Variants in CAMK2G observed in about 807,000 individuals in gnomAD.
The protein encoded by CAMK2G is calcium/calmodulin dependent protein kinase II gamma.
CAMK2G carries 23 observed loss-of-function variants against 88.7 expected under a neutral mutation model. The ratio of observed to expected loss-of-function variants is 0.26; its 90% CI spans 0.19 to 0.37. The LOEUF is 0.37. Ranked by LOEUF, CAMK2G falls within the 10% of genes least tolerant of loss-of-function variation. The pLI, the probability that CAMK2G is intolerant of heterozygous loss-of-function variation, is 1.00. For synonymous variants in CAMK2G, 263 were observed against 294.8 expected, an observed-to-expected ratio of 0.89 and a Z score of 1.11; for missense variants, 476 against 780.8, an observed-to-expected ratio of 0.61 and a Z score of 4.65.
chr10:73,818,072 CT>C (rs2086339893), intron 19 of CAMK2G: 1 of 169,356 alleles, frequency 5.9e-6, no homozygotes, highest in African/African-American at 2.4e-5. Context: ...CCAGCTAGGG[CT>C]GGGGTGCCAA....
At chr10:73,827,396 G>T (rs1424201881) in intron 15 of CAMK2G, among the ~76,000 whole-genome samples, 10 of 152,234 alleles carry the variant, frequency 6.6e-5, no homozygotes, top group African/African-American at 2.4e-4. Flanking sequence ...CCGTGTTATG[G>T]TCTTGATCTC....
At chr10:73,853,165 C>A in intron 4 of CAMK2G, 27 bp downstream of exon 4, 1 of 1,609,166 alleles carries the variant, frequency 6.2e-7, no homozygotes, top group Non-Finnish European at 8.5e-7. Flanking sequence ...GGGAAAGGCC[C>A]CCACACCCTC....
rs1397015121 is a variant in CAMK2G at position 73,842,377 on chromosome 10, C to G, written c.903+81G>C. The G allele has an allele frequency of 4.8e-6, 6 of 1,244,250 alleles. No homozygotes were observed. The African/African-American group carries it at 7.4e-5, about 15-fold the overall frequency. 77.1% of individuals were successfully genotyped at this position (1,244,250 alleles called of 1,614,324 possible). On this transcript the variant is annotated intron_variant, in intron 11 of 22. Transcript: ENST00000423381. The surrounding 1 kb of genome is among the most constrained non-coding windows in gnomAD (Gnocchi z 4.6). ...AGCCCAGCTCCAGCCAGGAGGGGAG[C>G]TTCCTTCTGAAATGGGGCAGGAGCC...
Position 73,815,240 on chromosome 10 carries a change from G to C in CAMK2G, c.1542C>G (p.Ser514=). Reference sequence around the variant, plus strand: ...TGGTATGGATAGGCTTGCTGTTCTTGGACAGGACTGCAGGGCAGGGTGGGG... The same window carrying C: ...TGGTATGGATAGGCTTGCTGTTCTTCGACAGGACTGCAGGGCAGGGTGGGG... ...FHKFYFENLL[S]KNSKPIHTTI... Residue 514 remains serine (S), a synonymous_variant, in exon 22 of 23, where the codon TCC becomes TCG. Transcript: ENST00000423381. The C allele has an allele frequency of 1.2e-6, 2 of 1,612,274 alleles. No homozygotes were observed. Among genetic ancestry groups the C allele is most frequent in the Non-Finnish European group, 1.7e-6 (2 of 1,178,368 alleles).
chr10:73,819,745 G>T, intron 18 of CAMK2G, 100 bp from the exon 19 acceptor site: 1 of 720,186 alleles, frequency 1.4e-6, no homozygotes, highest in Admixed American at 2.9e-5. Flanking sequence ...CCGAGCCCAT[G>T]GCGCTGCAGA....
At chr10:73,817,729 C>T (rs2086175370) in intron 19 of CAMK2G, 175 bp from the exon 20 acceptor site, 1 of 607,030 alleles carries the variant, frequency 1.6e-6, no homozygotes, top group East Asian at 2.7e-5. Context: ...GTCTCCCTCT[C>T]TGCAGTCTGC....
intron 14 of CAMK2G, among the ~76,000 whole-genome samples, chr10:73,828,428 G>T (rs2091681229): frequency 6.6e-6 from 1 of 152,194 alleles, no homozygotes; most frequent in African/African-American, 2.4e-5. Context: ...AAGTCTGTGA[G>T]GTTAAGTATC....
At chr10:73,857,202 A>G (rs2095099304) in intron 3 of CAMK2G, among the ~76,000 whole-genome samples, 1 of 152,206 alleles carries the variant, frequency 6.6e-6, no homozygotes, top group African/African-American at 2.4e-5. Flanking sequence ...GTAAATGGTC[A>G]GGCTTGAATA....
Position 73,830,528 on chromosome 10 carries a change from C to T in CAMK2G, c.1054-2407G>A, listed in dbSNP as rs374588355. ...TTTTAAGCTGGAAAAGCGTTCAAAC[C>T]TCTTTCTCATACTTAATTTAACAAA... On this transcript the variant is annotated intron_variant, in intron 14 of 22. Transcript: ENST00000423381. Among the ~76,000 whole-genome samples, 10 of 152,346 alleles carry T rather than the reference C, an allele frequency of 6.6e-5. No individual in the cohort carries two copies. In the East Asian group the frequency reaches 1.7e-3, roughly 26 times the overall value.
chr10:73,817,533 T>G lies in CAMK2G; in HGVS notation c.1385A>C (p.Lys462Thr). Residue 462 changes from lysine (K) to threonine (T), a missense_variant, in exon 20 of 23, where the codon AAG becomes ACG. Physicochemically the swap from Lys to Thr is moderately conservative, Grantham distance 78 (BLOSUM62 -1). Transcript: ENST00000423381. ...SSAMRKQEII[K>T]ITEQLIEAIN... ...GGCTTCAATCAGCTGTTCTGTAATC[T>G]TAATGATCTCCTGTTTTCGCACTGT... 1 of 1,613,174 alleles carries G rather than the reference T, an allele frequency of 6.2e-7. No individual in the cohort carries two copies. Among genetic ancestry groups the G allele is most frequent in the Non-Finnish European group, 8.5e-7 (1 of 1,179,112 alleles).
intron 5 of CAMK2G, among the ~76,000 whole-genome samples, chr10:73,850,372 CG>C (rs2094532842): frequency 6.6e-6 from 1 of 152,154 alleles, no homozygotes; most frequent in South Asian, 2.1e-4. Context: ...TGACAGGGAG[CG>C]GGGGCAGTCT....
At chr10:73,860,342 G>T (rs1285551392) in intron 3 of CAMK2G, among the ~76,000 whole-genome samples, 1 of 152,160 alleles carries the variant, frequency 6.6e-6, no homozygotes, top group African/African-American at 2.4e-5. Flanking sequence ...AGCCAGGCAG[G>T]GGGGCAGCTT....
intron 14 of CAMK2G, among the ~76,000 whole-genome samples, chr10:73,836,427 C>CT (rs1490335251): frequency 3.3e-5 from 5 of 152,234 alleles, no homozygotes; most frequent in African/African-American, 1.2e-4. Context: ...AAACCTGCCC[C>CT]TTTTCCTCAC....
chr10:73,820,464 T>TATATATATATA (rs2087623930), intron 18 of CAMK2G, among the ~76,000 whole-genome samples: 1 of 74,076 alleles, frequency 1.3e-5, no homozygotes, highest in African/African-American at 7.0e-5. Context: ...GGTTTTATAT[T>TATATATATATA]TATATATATA....
At chr10:73,819,690 AAAAC>A (rs1177157533) in intron 18 of CAMK2G, 45 bp from the exon 19 acceptor site, 1 of 1,243,770 alleles carries the variant, frequency 8.0e-7, no homozygotes, top group Admixed American at 2.1e-5. Context: ...CAGAGCAGCC[AAAAC>A]AAACAGAACA....
At chr10:73,819,825 G>C (rs1002079008) in intron 18 of CAMK2G, among the ~76,000 whole-genome samples, 180 bp from the exon 19 acceptor site, 5 of 152,226 alleles carry the variant, frequency 3.3e-5, no homozygotes, top group African/African-American at 1.2e-4. Context: ...CGCCGCCTCT[G>C]CCAGAGAGGC....
intron 14 of CAMK2G, among the ~76,000 whole-genome samples, chr10:73,830,470 A>AC (rs2092258155): frequency 6.6e-6 from 1 of 152,220 alleles, no homozygotes; most frequent in Non-Finnish European, 1.5e-5. Flanking sequence ...ATCATATCTC[A>AC]CTTTTACTTA....
intron 3 of CAMK2G, among the ~76,000 whole-genome samples, chr10:73,857,180 C>T (rs573077392): frequency 4.6e-5 from 7 of 152,312 alleles, no homozygotes; most frequent in African/African-American, 1.7e-4. Context: ...TGAATGGGTA[C>T]TGGGCTCAAG....
In CAMK2G at chr10:73,816,170, G is replaced by A. The variant is rs891008160; in HGVS notation, c.1534+853C>T. 3.0e-6 allele frequency: 3 copies of A among 985,446 alleles called. No individual in the cohort carries two copies. The South Asian group carries it at 1.4e-4, about 46-fold the overall frequency. 61.0% of individuals were successfully genotyped at this position (985,446 alleles called of 1,614,324 possible). A position where few individuals can be genotyped will look rare whatever the true frequency, so the allele number is the denominator to read the frequency against. On this transcript the variant is annotated intron_variant, in intron 21 of 22. Coordinates refer to ENST00000423381, the MANE Select transcript of CAMK2G (RefSeq NM_001367534.1). ...TAGAGCAGAGAGAAAGATGGGAGGG[G>A]GTGATGATTCAGCTTCTTATCCCCT...
Sources: allele counts gnomAD v4.1 joint callset (sites outside exome capture counted in the v4.1 genomes callset), GRCh38; gene constraint gnomAD v4.1.1; non-coding constraint Gnocchi (gnomAD v3.1); transcripts MANE v1.5; gene names NCBI Gene and HGNC (gene_info 2026-07-23, HGNC 2026-07-21).